SLC45A2: variants seen among roughly 807,000 people sequenced by gnomAD.
The protein encoded by SLC45A2 is solute carrier family 45 member 2, also known as membrane-associated transporter protein.
SLC45A2 carries 36 observed loss-of-function variants against 45.5 expected under a neutral mutation model. The observed-to-expected ratio is 0.79, with a 90% CI of 0.61 to 1.04. The LOEUF (loss-of-function observed/expected upper bound fraction) is 1.04, where lower values mean the gene tolerates loss of function less well. Ranked by LOEUF, SLC45A2 falls within the 50% of genes least tolerant of loss-of-function variation. SLC45A2 has a pLI of 0.00. For missense variants in SLC45A2, 719 were observed against 671.0 expected (o/e 1.07, Z -0.79); for synonymous variants, 306 against 269.3 (o/e 1.14, Z -1.33).
At chr5:33,975,905 C>T (rs1254087280) in intron 2 of SLC45A2, among the ~76,000 whole-genome samples, 1 of 152,008 alleles carries the variant, frequency 6.6e-6, no homozygotes, top group Non-Finnish European at 1.5e-5. Context: ...TCTCCCTGAC[C>T]CTCCTCTCCC....
chr5:33,959,314 T>C (rs1752373727), intron 3 of SLC45A2, among the ~76,000 whole-genome samples: 1 of 152,228 alleles, frequency 6.6e-6, no homozygotes, highest in Admixed American at 6.5e-5. Flanking sequence ...GCATGAATGT[T>C]ATCATATAGA....
chr5:33,955,259 C>A (rs577835728), intron 3 of SLC45A2, among the ~76,000 whole-genome samples: 34 of 152,304 alleles, frequency 2.2e-4, no homozygotes, highest in African/African-American at 7.0e-4. Context: ...AATCCTATAA[C>A]CACATGGAAC....
Position 33,959,580 on chromosome 5 carries a change from A to C in SLC45A2, c.888+4111T>G, listed in dbSNP as rs967581189. On this transcript the variant is annotated intron_variant, in intron 3 of 6. Coordinates refer to ENST00000296589, the MANE Select transcript of SLC45A2 (RefSeq NM_016180.5). ...TCTTAGTTCCTCGTTGCACTCTTACAGTTATGAAAAACACTGCACTCATCC... is the reference window on the plus strand; with the variant it reads ...TCTTAGTTCCTCGTTGCACTCTTACCGTTATGAAAAACACTGCACTCATCC... Among the ~76,000 whole-genome samples the C allele has an allele frequency of 3.9e-5, 6 of 152,284 alleles. No homozygotes were observed. The South Asian group carries it at 6.2e-4, about 16-fold the overall frequency.
intron 2 of SLC45A2, among the ~76,000 whole-genome samples, chr5:33,969,864 T>A (rs1337640772): frequency 2.6e-5 from 4 of 152,088 alleles, no homozygotes; most frequent in African/African-American, 9.7e-5. Flanking sequence ...GCAGTAAGAA[T>A]CCCAGGAAGA....
chr5:33,981,728 CGTT>C (rs1198457532), intron 2 of SLC45A2, among the ~76,000 whole-genome samples: 1 of 152,182 alleles, frequency 6.6e-6, no homozygotes, highest in African/African-American at 2.4e-5. Flanking sequence ...ATTTCTAAGA[CGTT>C]GAGTTTTTTG....
chr5:33,968,815 GAC>G (rs1752683143), intron 2 of SLC45A2, among the ~76,000 whole-genome samples: 1 of 152,142 alleles, frequency 6.6e-6, no homozygotes, highest in African/African-American at 2.4e-5. Flanking sequence ...CACCAGGGCT[GAC>G]ACAGCTCAAG....
intron 3 of SLC45A2, among the ~76,000 whole-genome samples, chr5:33,963,282 T>C (rs1342828041): frequency 3.3e-5 from 5 of 152,202 alleles, no homozygotes; most frequent in African/African-American, 1.2e-4. Flanking sequence ...AATCAACTCA[T>C]GACAGGCAAA....
chr5:33,946,160 A>G (rs907015313), intron 6 of SLC45A2: 61 of 985,332 alleles, frequency 6.2e-5, no homozygotes, highest in Non-Finnish European at 7.0e-5. Context: ...CCCCAACACC[A>G]TGTAACACTC....
At chr5:33,969,286 T>A (rs58751818) in intron 2 of SLC45A2, among the ~76,000 whole-genome samples, 10,336 of 151,190 alleles carry the variant, frequency 0.068, 698 homozygotes, top group South Asian at 0.29. Flanking sequence ...AAAAAAAAAA[T>A]TTTAAATTAA....
At chr5:33,946,249 A>T in intron 6 of SLC45A2, 1 of 985,414 alleles carries the variant, frequency 1.0e-6, no homozygotes, top group South Asian at 4.7e-5. Context: ...TTGCCAGGGG[A>T]TGAGGAAAGC....
intron 3 of SLC45A2, among the ~76,000 whole-genome samples, chr5:33,956,474 G>A (rs1380750959): frequency 6.6e-6 from 1 of 152,078 alleles, no homozygotes; most frequent in Non-Finnish European, 1.5e-5. Flanking sequence ...GGGATGCTCA[G>A]GCATTTTGCT....
chr5:33,947,350 T>A lies in SLC45A2; in HGVS notation c.1181A>T (p.Tyr394Phe). The A allele has an allele frequency of 1.2e-6, 2 of 1,614,214 alleles. No individual in the cohort carries two copies. The highest frequency in any genetic ancestry group is 1.7e-6 in the Non-Finnish European group (2 of 1,180,048). ...YSYFQKVLVS[Y>F]IGLKGLYFTG... ...GAAGTAAAGACCCTTTAATCCAATG[T>A]AGGATACCAAAACTTTCTGAAAGTC... is the stretch of plus-strand genomic sequence containing the variant. Residue 394 changes from tyrosine (Y) to phenylalanine (F), a missense_variant, in exon 6 of 7, where the codon TAC becomes TTC. Coordinates refer to ENST00000296589, the MANE Select transcript of SLC45A2 (RefSeq NM_016180.5).
chr5:33,961,578 T>G (rs1314802888), intron 3 of SLC45A2, among the ~76,000 whole-genome samples: 3 of 152,182 alleles, frequency 2.0e-5, no homozygotes, highest in African/African-American at 7.2e-5. Context: ...AGGGGCGATC[T>G]CTTCCATAAC....
chr5:33,961,759 C>A (rs542303531), intron 3 of SLC45A2, among the ~76,000 whole-genome samples: 2 of 152,308 alleles, frequency 1.3e-5, no homozygotes, highest in East Asian at 3.9e-4. Context: ...GTTCCTGTTC[C>A]TGCCAAGGAA....
intron 6 of SLC45A2, among the ~76,000 whole-genome samples, chr5:33,945,323 C>G (rs1579530159): frequency 6.6e-6 from 1 of 152,070 alleles, no homozygotes; most frequent in South Asian, 2.1e-4. Context: ...AATAAATATC[C>G]CATTCTTTTC....
At chr5:33,948,435 G>A (rs1223366588) in intron 5 of SLC45A2, among the ~76,000 whole-genome samples, 1 of 152,146 alleles carries the variant, frequency 6.6e-6, no homozygotes, top group Non-Finnish European at 1.5e-5. Flanking sequence ...AGAATCAGAG[G>A]ATAAATAACA....
intron 2 of SLC45A2, among the ~76,000 whole-genome samples, chr5:33,977,961 G>GTTGGCTCA (rs1273584606): frequency 1.3e-5 from 2 of 152,186 alleles, no homozygotes; most frequent in African/African-American, 4.8e-5. Flanking sequence ...GAAGCTATCA[G>GTTGGCTCA]TTGGCTCAAT....
intron 2 of SLC45A2, among the ~76,000 whole-genome samples, chr5:33,980,360 A>G (rs1019242164): frequency 1.3e-5 from 2 of 152,208 alleles, no homozygotes; most frequent in East Asian, 3.8e-4. Context: ...TATGATGTCA[A>G]CAAGTTCACT....
At chr5:33,951,136 GCTGA>G (rs898211489) in intron 5 of SLC45A2, among the ~76,000 whole-genome samples, 113 of 152,294 alleles carry the variant, frequency 7.4e-4, no homozygotes, top group African/African-American at 2.7e-3. Flanking sequence ...CATTTTGCAT[GCTGA>G]CTTTGTCACC....
Sources: gnomAD v4.1 joint callset for allele counts (sites outside exome capture counted in the v4.1 genomes callset) on GRCh38, gnomAD v4.1.1 for gene constraint, MANE v1.5 for transcripts, NCBI Gene and HGNC (gene_info 2026-07-23, HGNC 2026-07-21) for gene names.